The following DPF3 variants were observed in gnomAD, a reference collection of about 807,000 sequenced individuals.
DPF3 encodes zinc finger protein DPF3.
A neutral mutation model predicts 56.8 loss-of-function variants in DPF3; 18 were observed. That is an observed-to-expected ratio of 0.32 (90% confidence interval 0.22 to 0.47). The LOEUF is 0.47. DPF3 is among the 20% of genes least tolerant of loss of function. DPF3 has a pLI of 1.00. For synonymous variants in DPF3, 188 were observed against 180.2 expected, an observed-to-expected ratio of 1.04 and a Z score of -0.35; for missense variants, 403 against 488.8, an observed-to-expected ratio of 0.82 and a Z score of 1.65.
chr14:72,739,335 A>G (rs1181483186), intron 3 of DPF3, among the ~76,000 whole-genome samples: 4 of 152,182 alleles, frequency 2.6e-5, no homozygotes, highest in African/African-American at 9.7e-5. Flanking sequence ...ATTACCCTAA[A>G]GCACACACTT....
At chr14:72,816,223 G>C (rs1883278178) in intron 1 of DPF3, among the ~76,000 whole-genome samples, 1 of 152,182 alleles carries the variant, frequency 6.6e-6, no homozygotes, top group Non-Finnish European at 1.5e-5. Flanking sequence ...GTGGAGCCAG[G>C]CAGAACCCTG....
At chr14:72,781,017 C>T (rs913537456) in intron 1 of DPF3, among the ~76,000 whole-genome samples, 2 of 152,152 alleles carry the variant, frequency 1.3e-5, no homozygotes, top group African/African-American at 2.4e-5. Flanking sequence ...CCCCAGTGAT[C>T]CTGAGAAATT....
chr14:72,796,256 T>C (rs1377635037), intron 1 of DPF3, among the ~76,000 whole-genome samples: 1 of 148,838 alleles, frequency 6.7e-6, no homozygotes, highest in African/African-American at 2.4e-5. Flanking sequence ...ATGCCTGTAA[T>C]TCCAGAAGGC....
intron 2 of DPF3, among the ~76,000 whole-genome samples, chr14:72,755,624 G>A (rs1464619868): frequency 6.6e-6 from 1 of 152,166 alleles, no homozygotes; most frequent in African/African-American, 2.4e-5. Flanking sequence ...GATGACAAAT[G>A]TCAGTTGTTA....
chr14:72,862,733 C>T (rs1193591376), intron 1 of DPF3, among the ~76,000 whole-genome samples: 1 of 152,152 alleles, frequency 6.6e-6, no homozygotes, highest in East Asian at 1.9e-4. Context: ...CTGGATGACC[C>T]TCAAATGTTG....
At chr14:72,883,778 A>T (rs1886408066) in intron 1 of DPF3, among the ~76,000 whole-genome samples, 1 of 152,034 alleles carries the variant, frequency 6.6e-6, no homozygotes, top group South Asian at 2.1e-4. Flanking sequence ...AAATACAAAA[A>T]TTAGCTGGGT....
At position 72,612,014 on chromosome 14, in the gene DPF3, G is replaced by T. The variant is rs886669401; in HGVS notation, c.*7283C>A. The stretch of plus-strand genomic sequence containing the variant: ...TGCGGTTTATTTTCCAGCCCCTACA[G>T]GACCTAGAGCATTGCCTCGCACACA... On this transcript the variant is annotated 3_prime_UTR_variant, in exon 11 of 11. Coordinates refer to ENST00000556509, the MANE Select transcript of DPF3 (RefSeq NM_001280542.3). Among the ~76,000 whole-genome samples, 2 of 152,186 alleles carry T rather than the reference G, an allele frequency of 1.3e-5. No individual in the cohort carries two copies. The highest frequency in any genetic ancestry group is 4.8e-5 in the African/African-American group (2 of 41,440).
intron 1 of DPF3, among the ~76,000 whole-genome samples, chr14:72,798,526 G>T (rs1362987533): frequency 6.6e-6 from 1 of 152,170 alleles, no homozygotes; most frequent in Non-Finnish European, 1.5e-5. Flanking sequence ...GGTATTTCTG[G>T]CACTGAGGAT....
At chr14:72,632,170 G>A (rs911276265) in intron 8 of DPF3, among the ~76,000 whole-genome samples, 1 of 152,230 alleles carries the variant, frequency 6.6e-6, no homozygotes, top group Admixed American at 6.5e-5. Context: ...AAGGCAGTAA[G>A]TGGGTCACAT....
intron 1 of DPF3, among the ~76,000 whole-genome samples, chr14:72,776,614 C>A (rs934004774): frequency 1.3e-5 from 2 of 152,074 alleles, no homozygotes; most frequent in African/African-American, 4.8e-5. Context: ...CAATCACAAC[C>A]CCTCTAAGAC....
chr14:72,721,458 CAA>C lies in DPF3; in HGVS notation c.525+2173_525+2174del, dbSNP rs199514100. Among the ~76,000 whole-genome samples the C allele has an allele frequency of 4.9e-3, 749 of 152,252 alleles. 7 individuals carry two copies. Among genetic ancestry groups the C allele is most frequent in the African/African-American group, 0.017 (720 of 41,540 alleles). On this transcript the variant is annotated intron_variant, in intron 5 of 10. Transcript: ENST00000556509. ...ACCAAAGGCCCAGGAAGTCCAAGCTCAAAAGTCTCCTTTAATAATGGAATTCA... is the reference window on the plus strand; with the variant it reads ...ACCAAAGGCCCAGGAAGTCCAAGCTCAAGTCTCCTTTAATAATGGAATTCA...
chr14:72,717,533 T>G (rs17119980), intron 5 of DPF3, among the ~76,000 whole-genome samples: 2 of 152,148 alleles, frequency 1.3e-5, no homozygotes, highest in East Asian at 1.9e-4. Context: ...AATGGTATCA[T>G]GGGTATTAGC....
chr14:72,765,845 C>T (rs572683870), intron 2 of DPF3, among the ~76,000 whole-genome samples: 20 of 152,094 alleles, frequency 1.3e-4, no homozygotes, highest in African/African-American at 4.8e-4. Context: ...ACCCAGGAGG[C>T]GGAGCTTGCA....
chr14:72,664,152 C>T (rs978879291), intron 8 of DPF3, among the ~76,000 whole-genome samples: 4 of 152,144 alleles, frequency 2.6e-5, no homozygotes, highest in African/African-American at 4.8e-5. Context: ...TCCCACAGAA[C>T]GCCTGCCGAT....
At chr14:72,809,667 T>A (rs61152744) in intron 1 of DPF3, among the ~76,000 whole-genome samples, 2,306 of 152,240 alleles carry the variant, frequency 0.015, 54 homozygotes, top group African/African-American at 0.053. Flanking sequence ...AGGCAGTGAT[T>A]CTCAGCCCTG....
chr14:72,844,874 A>C (rs2140073643), intron 1 of DPF3, among the ~76,000 whole-genome samples: 1 of 152,264 alleles, frequency 6.6e-6, no homozygotes, highest in Non-Finnish European at 1.5e-5. Flanking sequence ...TGTAAATCCC[A>C]GTAGTTTGGG....
intron 1 of DPF3, among the ~76,000 whole-genome samples, chr14:72,810,127 T>C (rs1361686833): frequency 6.6e-6 from 1 of 152,156 alleles, no homozygotes; most frequent in Non-Finnish European, 1.5e-5. Context: ...GAGCATTTCA[T>C]AGGGAAGATG....
intron 1 of DPF3, among the ~76,000 whole-genome samples, chr14:72,835,932 T>C (rs192336907): frequency 1.9e-4 from 29 of 152,274 alleles, no homozygotes; most frequent in African/African-American, 6.3e-4. Context: ...TCCCCCTTAT[T>C]TGACTCTTCG....
chr14:72,713,574 T>A (rs1329147500), intron 6 of DPF3, among the ~76,000 whole-genome samples: 1 of 152,190 alleles, frequency 6.6e-6, no homozygotes, highest in Non-Finnish European at 1.5e-5. Context: ...AAGCTCTGCA[T>A]CCTCAGAGAG....
Sources: allele counts gnomAD v4.1 joint callset (sites outside exome capture counted in the v4.1 genomes callset), GRCh38; gene constraint gnomAD v4.1.1; transcripts MANE v1.5; gene names NCBI Gene and HGNC (gene_info 2026-07-23, HGNC 2026-07-21).